VWC2L: variants seen among roughly 807,000 people sequenced by gnomAD.
VWC2L encodes the protein von Willebrand factor C domain-containing protein 2-like.
Under a neutral mutation model 21.6 loss-of-function variants are expected in VWC2L, and 10 were observed. The observed-to-expected ratio is 0.46, with a 90% CI of 0.29 to 0.78. The LOEUF (loss-of-function observed/expected upper bound fraction) is 0.78. Among genes scored for constraint, VWC2L ranks in the 30% least tolerant of loss-of-function variants. The pLI is 0.10. For missense variants in VWC2L, 209 were observed against 277.1 expected (o/e 0.75, Z 1.74); for synonymous variants, 96 against 94.3 (o/e 1.02, Z -0.10).
intron 3 of VWC2L, among the ~76,000 whole-genome samples, chr2:214,543,991 C>G (rs1689666211): frequency 6.6e-6 from 1 of 152,166 alleles, no homozygotes; most frequent in Non-Finnish European, 1.5e-5. Context: ...TGTTTTCTCT[C>G]TTACGATTGT....
intron 3 of VWC2L, among the ~76,000 whole-genome samples, chr2:214,552,650 C>T (rs1355490014): frequency 6.6e-6 from 1 of 152,188 alleles, no homozygotes; most frequent in Non-Finnish European, 1.5e-5. Flanking sequence ...GGTTCTATTT[C>T]TCTACTCACG....
At chr2:214,441,343 G>A (rs1702760872) in intron 3 of VWC2L, among the ~76,000 whole-genome samples, 1 of 152,008 alleles carries the variant, frequency 6.6e-6, no homozygotes, top group Non-Finnish European at 1.5e-5. Flanking sequence ...TGCAGGGAAG[G>A]AAATGGGCAA....
chr2:214,567,085 G>T (rs375619790), intron 3 of VWC2L, among the ~76,000 whole-genome samples: 2 of 152,132 alleles, frequency 1.3e-5, no homozygotes, highest in East Asian at 3.8e-4. Context: ...GCATCAGAAA[G>T]ATCATTTACA....
intron 3 of VWC2L, among the ~76,000 whole-genome samples, chr2:214,530,266 T>C (rs1202308084): frequency 6.6e-6 from 1 of 152,138 alleles, no homozygotes; most frequent in Non-Finnish European, 1.5e-5. Context: ...ACCACAGCAT[T>C]GTGGCATGTG....
chr2:214,530,865 T>C (rs1243488069), intron 3 of VWC2L, among the ~76,000 whole-genome samples: 1 of 152,206 alleles, frequency 6.6e-6, no homozygotes, highest in African/African-American at 2.4e-5. Context: ...CTGAAATCTC[T>C]AAACCATTGC....
In VWC2L at chr2:214,575,292, C is replaced by T. The variant is rs558844352; in HGVS notation, c.521-380C>T. On this transcript the variant is annotated intron_variant, in intron 3 of 3. Transcript: ENST00000312504. Reference sequence around the variant, plus strand: ...GGCCAAGGGTGCCACCATCTGAGGCCGACCATGTCAGCCCTCCCTCGTGTT... The same window carrying T: ...GGCCAAGGGTGCCACCATCTGAGGCTGACCATGTCAGCCCTCCCTCGTGTT... Among the ~76,000 whole-genome samples, 61 of 152,198 alleles carry T rather than the reference C, an allele frequency of 4.0e-4. 1 individual carries two copies. The highest frequency in any genetic ancestry group is 6.8e-3 in the Middle Eastern group (2 of 292).
chr2:214,507,021 C>A (rs1481948352), intron 3 of VWC2L, among the ~76,000 whole-genome samples: 1 of 151,756 alleles, frequency 6.6e-6, no homozygotes, highest in Non-Finnish European at 1.5e-5. Flanking sequence ...TTAATTATTA[C>A]AAAATATAGA....
rs768819215 is a variant in VWC2L at position 214,414,187 on chromosome 2, G to A, written c.-7G>A. On this transcript the variant is annotated 5_prime_UTR_variant, in exon 2 of 4. Coordinates refer to ENST00000312504, the MANE Select transcript of VWC2L (RefSeq NM_001080500.4). ...AGGAGCACATCCAGAAGTCTTTGAA[G>A]AGGGGGATGGCTCTTCATATTCATG... is the stretch of plus-strand genomic sequence containing the variant. 1.2e-6 allele frequency: 2 copies of A among 1,604,714 alleles called. No homozygotes were observed. Among genetic ancestry groups the A allele is most frequent in the South Asian group, 2.2e-5 (2 of 89,396 alleles).
At chr2:214,538,997 G>C (rs1689585238) in intron 3 of VWC2L, among the ~76,000 whole-genome samples, 1 of 152,102 alleles carries the variant, frequency 6.6e-6, no homozygotes, top group Admixed American at 6.6e-5. Context: ...TGCATCTATA[G>C]ATCTTCCTTG....
chr2:214,557,018 G>T (rs1459795283), intron 3 of VWC2L, among the ~76,000 whole-genome samples: 5 of 152,156 alleles, frequency 3.3e-5, no homozygotes, highest in Non-Finnish European at 7.3e-5. Flanking sequence ...CCTGTTCACA[G>T]ATAAGGAAAC....
chr2:214,435,380 C>T (rs1047734070), intron 2 of VWC2L, among the ~76,000 whole-genome samples: 2 of 152,114 alleles, frequency 1.3e-5, no homozygotes, highest in African/African-American at 4.8e-5. Flanking sequence ...GATCCCATGG[C>T]TAATTGTTTT....
chr2:214,413,609 G>A (rs1365195606), intron 1 of VWC2L, among the ~76,000 whole-genome samples: 1 of 152,050 alleles, frequency 6.6e-6, no homozygotes, highest in Non-Finnish European at 1.5e-5. Context: ...CTTTATAGTA[G>A]CTCCTTCCTA....
At chr2:214,567,220 A>G (rs1690075225) in intron 3 of VWC2L, among the ~76,000 whole-genome samples, 1 of 152,138 alleles carries the variant, frequency 6.6e-6, no homozygotes, top group Non-Finnish European at 1.5e-5. Context: ...AAAATCATAA[A>G]AGATCAATAA....
At chr2:214,481,038 G>C (rs1192271520) in intron 3 of VWC2L, among the ~76,000 whole-genome samples, 3 of 152,010 alleles carry the variant, frequency 2.0e-5, no homozygotes, top group African/African-American at 4.8e-5. Context: ...AAGACTGTAG[G>C]GGCAGAGAAA....
intron 3 of VWC2L, among the ~76,000 whole-genome samples, chr2:214,498,164 C>T (rs1164689540): frequency 6.6e-6 from 1 of 152,172 alleles, no homozygotes; most frequent in Non-Finnish European, 1.5e-5. Flanking sequence ...CCATTTATCA[C>T]TCCACCCACC....
intron 3 of VWC2L, among the ~76,000 whole-genome samples, chr2:214,515,498 A>G (rs151208240): frequency 2.9e-4 from 44 of 152,318 alleles, no homozygotes; most frequent in Middle Eastern, 6.8e-3. Flanking sequence ...TCAGGGTCCA[A>G]AGAAAACAAG....
intron 3 of VWC2L, among the ~76,000 whole-genome samples, chr2:214,511,760 CCCTT>C (rs1689056804): frequency 6.6e-6 from 1 of 151,182 alleles, no homozygotes; most frequent in Non-Finnish European, 1.5e-5. Flanking sequence ...TCTCATGAAA[CCCTT>C]CATTATTTAA....
Position 214,513,740 on chromosome 2 carries a change from G to A in VWC2L, c.521-61932G>A, listed in dbSNP as rs544198341. On this transcript the variant is annotated intron_variant, in intron 3 of 3. Coordinates refer to ENST00000312504, the MANE Select transcript of VWC2L (RefSeq NM_001080500.4). Reference sequence around the variant, plus strand: ...ATAGAATAAATGATCCTCAAGTTGGGAAACACAAGTTATAAAACAGAACCC... The same window carrying A: ...ATAGAATAAATGATCCTCAAGTTGGAAAACACAAGTTATAAAACAGAACCC... Among the ~76,000 whole-genome samples the A allele has an allele frequency of 2.1e-3, 318 of 152,194 alleles. 9 individuals are homozygous for A. The highest frequency in any genetic ancestry group is 0.021 in the Admixed American group (318 of 15,302).
intron 3 of VWC2L, among the ~76,000 whole-genome samples, chr2:214,525,894 A>T (rs1484586373): frequency 6.6e-6 from 1 of 152,212 alleles, no homozygotes; most frequent in Non-Finnish European, 1.5e-5. Context: ...GTTTTCTCAC[A>T]TATTAAATAT....
Sources: gnomAD v4.1 joint callset for allele counts (sites outside exome capture counted in the v4.1 genomes callset) on GRCh38, gnomAD v4.1.1 for gene constraint, MANE v1.5 for transcripts, NCBI Gene and HGNC (gene_info 2026-07-23, HGNC 2026-07-21) for gene names.